MACF1: variants seen among roughly 807,000 people sequenced by gnomAD.
The protein encoded by MACF1 is microtubule-actin cross-linking factor 1.
MACF1 carries 193 observed loss-of-function variants against 854.8 expected under a neutral mutation model. The observed-to-expected ratio is 0.23, with a 90% CI of 0.20 to 0.25. The LOEUF (loss-of-function observed/expected upper bound fraction) is 0.25, where lower values mean the gene tolerates loss of function less well. MACF1 is among the 10% of genes least tolerant of loss of function. The probability of loss-of-function intolerance (pLI) is 1.00; values close to 1 mark genes in which losing one functional copy is unlikely to be tolerated. For synonymous variants in MACF1, 3,185 were observed against 3,226.7 expected (o/e 0.99, Z 0.44); for missense variants, 7,722 against 8,929.1 (o/e 0.86, Z 5.45).
At chr1:39,324,128 T>C (rs752804169) in intron 33 of MACF1, 65 bp from the exon 34 acceptor site, 14 of 1,481,902 alleles carry the variant, frequency 9.4e-6, no homozygotes, top group Non-Finnish European at 1.3e-5. Context: ...TTTAAGAAAA[T>C]CTGAAGTCGT....
chr1:39,085,576 AAT>A (rs1641650789), intron 2 of MACF1, among the ~76,000 whole-genome samples: 1 of 152,244 alleles, frequency 6.6e-6, no homozygotes. Context: ...CCACGTGACT[AAT>A]AGAGTATTTT....
At chr1:39,376,260 A>C (rs1310281014) in intron 52 of MACF1, among the ~76,000 whole-genome samples, 1 of 152,208 alleles carries the variant, frequency 6.6e-6, no homozygotes, top group Non-Finnish European at 1.5e-5. Flanking sequence ...TGAATATTAC[A>C]TTTAAACCAA....
intron 4 of MACF1, among the ~76,000 whole-genome samples, chr1:39,253,947 T>G (rs186614198): frequency 1.3e-5 from 2 of 152,352 alleles, no homozygotes; most frequent in East Asian, 3.9e-4. Context: ...TTAGGAGTCA[T>G]AGAGCCAAAG....
intron 88 of MACF1, among the ~76,000 whole-genome samples, chr1:39,454,074 G>T (rs1644388396): frequency 6.6e-6 from 1 of 152,218 alleles, no homozygotes; most frequent in Admixed American, 6.5e-5. Flanking sequence ...TGGACATGTT[G>T]TGTAGTGTCT....
intron 21 of MACF1, chr1:39,299,125 A>C (rs114759032): frequency 0.014 from 5,697 of 415,208 alleles, 53 homozygotes; most frequent in Middle Eastern, 0.022. Flanking sequence ...TCTTATTGCA[A>C]GGAAACTGAA....
chr1:39,483,086 C>CAA (rs1198703166), intron 99 of MACF1, among the ~76,000 whole-genome samples: 2,119 of 22,634 alleles, frequency 0.094, 430 homozygotes, highest in African/African-American at 0.2. Context: ...GACTCTGTCT[C>CAA]AAAAAAAAAA....
At chr1:39,106,792 TCTCCCCC>T (rs1642252360) in intron 2 of MACF1, among the ~76,000 whole-genome samples, 1 of 65,544 alleles carries the variant, frequency 1.5e-5, no homozygotes, top group Admixed American at 1.7e-4. Context: ...ACGCCCCCCC[TCTCCCCC>T]CTCCCCCCCA....
chr1:39,379,581 C>G (rs1320344660), intron 54 of MACF1, 137 bp downstream of exon 54: 2 of 919,310 alleles, frequency 2.2e-6, no homozygotes, highest in African/African-American at 3.4e-5. Flanking sequence ...GTTTGACATT[C>G]TAAATGATTA....
intron 58 of MACF1, chr1:39,414,208 A>C (rs1359192487): frequency 6.2e-7 from 1 of 1,613,700 alleles, no homozygotes; most frequent in East Asian, 2.2e-5. Context: ...TTCAGTGCCC[A>C]CCCCAGAGGT....
rs200540407 is a variant in MACF1, at chr1:39,286,768, A to AC, written c.1509-514dup. Among the ~76,000 whole-genome samples, 1,142 of 152,052 alleles carry AC rather than the reference A, an allele frequency of 7.5e-3. 10 individuals carry two copies. The highest frequency in any genetic ancestry group is 0.017 in the Middle Eastern group (5 of 294). ...CCAAGACTAGGACCCACATCTCTTG[A>AC]CCCCTAATCCATTGTTTATTATATT... is the stretch of plus-strand genomic sequence containing the variant. On this transcript the variant is annotated intron_variant, in intron 14 of 100. Transcript: ENST00000564288.
intron 25 of MACF1, 118 bp from the exon 26 acceptor site, chr1:39,310,713 A>G: frequency 9.7e-7 from 1 of 1,033,624 alleles, no homozygotes; most frequent in Non-Finnish European, 1.4e-6. Flanking sequence ...GAAATTTAGG[A>G]TCAGGTAGGA....
chr1:39,298,188 T>C (rs1645964463), intron 21 of MACF1, among the ~76,000 whole-genome samples: 2 of 152,058 alleles, frequency 1.3e-5, no homozygotes, highest in East Asian at 3.9e-4. Context: ...AAAATTTTCC[T>C]CCTTGGTAGT....
intron 25 of MACF1, 91 bp from the exon 26 acceptor site, chr1:39,310,740 C>A: frequency 7.7e-7 from 1 of 1,298,180 alleles, no homozygotes; most frequent in Non-Finnish European, 1.0e-6. Context: ...AGAAGATTCC[C>A]TAAATAAAGC....
rs768552357 is a variant in MACF1 at position 39,204,716 on chromosome 1, A to G, written c.-307A>G. 63 of 269,512 alleles carry G rather than the reference A, an allele frequency of 2.3e-4. 1 individual carries two copies. The highest frequency in any genetic ancestry group is 9.2e-5 in the Non-Finnish European group (13 of 141,188). The allele number at this position is 269,512 out of a possible 1,614,324, so 16.7% of individuals were successfully genotyped here. The stretch of plus-strand genomic sequence containing the variant: ...AGATAGAGGTTTGAGTCAGCTTGAC[A>G]CTGGCTTAGGCGCTCCTTTTCACTC... On this transcript the variant is annotated 5_prime_UTR_variant, in exon 1 of 101. Transcript: ENST00000564288.
chr1:39,089,064 T>C (rs1641743278), intron 2 of MACF1, among the ~76,000 whole-genome samples: 1 of 152,116 alleles, frequency 6.6e-6, no homozygotes, highest in Non-Finnish European at 1.5e-5. Context: ...TGGAACTCAG[T>C]CTAGTGGAGA....
rs555540854 is a variant in MACF1, at chr1:39,160,378, G to A, written c.221-70804G>A. ...CATCTGACTAAGCATATGTGTAAAT[G>A]CACCTTCCTCTCTGAGACAAAGAGC... On this transcript the variant is annotated intron_variant, in intron 2 of 93. Coordinates refer to the MACF1 transcript ENST00000361689. 3.9e-5 allele frequency among the ~76,000 whole-genome samples: 6 copies of A among 152,252 alleles called. No homozygotes were observed. The South Asian group carries it at 1.2e-3, about 32-fold the overall frequency.
At chr1:39,350,750 C>T (rs772261394) in intron 42 of MACF1, 35 bp from the exon 43 acceptor site, 4 of 1,519,080 alleles carry the variant, frequency 2.6e-6, no homozygotes, top group African/African-American at 2.7e-5. Flanking sequence ...GCACTAAAGT[C>T]GAAGGCTCTG....
chr1:39,348,017 A>G (rs887223865), intron 41 of MACF1, among the ~76,000 whole-genome samples: 2 of 152,220 alleles, frequency 1.3e-5, no homozygotes, highest in South Asian at 4.1e-4. Context: ...GCATATAGCA[A>G]GATGATATTA....
rs1557592706 is a variant in MACF1, at chr1:39,332,727, C to T, written c.6139C>T (p.Gln2047Ter). ...GCTGCCTGAGTTCCAGTTTTCTTCT[C>T]AGAACAAAGAATATCCCGATCGGGA... ...VRLPEFQFSS[Q>*]NKEYPDREDC... The change falls in exon 37 of 101, where the codon CAG becomes TAG. Residue 2047 changes from glutamine to a stop codon, truncating the protein, a stop_gained. Transcript: ENST00000564288. LOFTEE classifies it high-confidence loss of function. 6.2e-7 allele frequency: 1 copy of T among 1,614,106 alleles called. No homozygotes were observed. The highest frequency in any genetic ancestry group is 8.5e-7 in the Non-Finnish European group (1 of 1,180,020).
Sources: gnomAD v4.1 joint callset for allele counts (sites outside exome capture counted in the v4.1 genomes callset) on GRCh38, gnomAD v4.1.1 for gene constraint, MANE v1.5 for transcripts, NCBI Gene and HGNC (gene_info 2026-07-23, HGNC 2026-07-21) for gene names.